EHHADH: variants seen among roughly 807,000 people sequenced by gnomAD.
The protein encoded by EHHADH is enoyl-CoA hydratase and 3-hydroxyacyl CoA dehydrogenase, also known as peroxisomal bifunctional enzyme.
Under a neutral mutation model 64.4 loss-of-function variants are expected in EHHADH, and 48 were observed. The observed-to-expected ratio is 0.75, with a 90% CI of 0.59 to 0.95. The LOEUF (loss-of-function observed/expected upper bound fraction) is 0.95. EHHADH is among the 40% of genes least tolerant of loss of function. The pLI is 0.00. For synonymous variants in EHHADH, 308 were observed against 326.7 expected, an observed-to-expected ratio of 0.94 and a Z score of 0.62; for missense variants, 854 against 876.6, an observed-to-expected ratio of 0.97 and a Z score of 0.33.
chr3:185,248,556 A>G (rs1162056389), intron 1 of EHHADH, 39 bp from the exon 2 acceptor site: 2 of 1,441,834 alleles, frequency 1.4e-6, no homozygotes, highest in African/African-American at 2.8e-5. Flanking sequence ...ATCAGTCAGA[A>G]TTAAATTCCT....
At chr3:185,212,978 G>A (rs540255736) in intron 5 of EHHADH, among the ~76,000 whole-genome samples, 13 of 151,616 alleles carry the variant, frequency 8.6e-5, no homozygotes, top group Non-Finnish European at 1.2e-4. Context: ...AAATTAGCCG[G>A]GTGTGCTGCC....
intron 4 of EHHADH, among the ~76,000 whole-genome samples, chr3:185,227,282 C>T (rs1463456896): frequency 6.6e-6 from 1 of 152,242 alleles, no homozygotes; most frequent in Non-Finnish European, 1.5e-5. Context: ...CCTGTAATCC[C>T]AGCACTTTGG....
At chr3:185,247,381 G>A (rs1719623564) in intron 2 of EHHADH, among the ~76,000 whole-genome samples, 2 of 152,054 alleles carry the variant, frequency 1.3e-5, no homozygotes, top group African/African-American at 4.8e-5. Context: ...CATCTTGGGT[G>A]ACAAACCTTA....
chr3:185,211,961 G>T (rs543218211), intron 5 of EHHADH, among the ~76,000 whole-genome samples: 1 of 152,286 alleles, frequency 6.6e-6, no homozygotes, highest in East Asian at 1.9e-4. Flanking sequence ...CAGGACCAGG[G>T]TTCATTACAG....
rs572430229 is a variant in EHHADH at position 185,221,310 on chromosome 3, T to A, written c.464-3070A>T. ...ATTTTGTCTTTTGCACAATAAATTG[T>A]CTCATGTGCTTTGAATCCTGTAGTA... On this transcript the variant is annotated intron_variant, in intron 4 of 6. Transcript: ENST00000231887. Among the ~76,000 whole-genome samples, 15 of 152,332 alleles carry A rather than the reference T, an allele frequency of 9.8e-5. No individual in the cohort carries two copies. In the South Asian group the frequency reaches 2.9e-3, roughly 29 times the overall value.
intron 4 of EHHADH, among the ~76,000 whole-genome samples, chr3:185,228,252 AAAAAAAT>A (rs1719046614): frequency 1.5e-5 from 1 of 64,602 alleles, no homozygotes; most frequent in Non-Finnish European, 4.5e-5. Context: ...AAAAAAAAAA[AAAAAAAT>A]ATATATATAT....
chr3:185,231,845 T>C (rs1220123548), intron 3 of EHHADH, among the ~76,000 whole-genome samples: 1 of 152,220 alleles, frequency 6.6e-6, no homozygotes, highest in Non-Finnish European at 1.5e-5. Flanking sequence ...TTTGGGGTGA[T>C]AAAATGTTCT....
At chr3:185,249,417 C>G (rs866501794) in intron 1 of EHHADH, among the ~76,000 whole-genome samples, 2 of 152,146 alleles carry the variant, frequency 1.3e-5, no homozygotes, top group South Asian at 2.1e-4. Context: ...TGTGAGCCAC[C>G]GCGCCCAGCC....
intron 1 of EHHADH, 52 bp downstream of exon 1, chr3:185,253,897 G>A: frequency 9.3e-6 from 15 of 1,604,334 alleles, no homozygotes; most frequent in Non-Finnish European, 1.2e-5. Context: ...CGGAGCCAGA[G>A]GGCGGCTAAG....
At chr3:185,220,939 A>T in intron 4 of EHHADH, among the ~76,000 whole-genome samples, 1 of 152,230 alleles carries the variant, frequency 6.6e-6, no homozygotes, top group East Asian at 1.9e-4. Flanking sequence ...ACAGGTGTAT[A>T]ATTCTAATGT....
intron 6 of EHHADH, among the ~76,000 whole-genome samples, chr3:185,197,442 A>T (rs1434919885): frequency 6.6e-6 from 1 of 152,160 alleles, no homozygotes; most frequent in Non-Finnish European, 1.5e-5. Context: ...CTACTAAATG[A>T]TAACTCCCCA....
At chr3:185,195,265 A>G (rs934724982) in intron 6 of EHHADH, among the ~76,000 whole-genome samples, 1 of 152,220 alleles carries the variant, frequency 6.6e-6, no homozygotes, top group South Asian at 2.1e-4. Flanking sequence ...GTTCAACATC[A>G]ATAGTCATTA....
At chr3:185,200,532 T>C (rs1025978819) in intron 6 of EHHADH, among the ~76,000 whole-genome samples, 3 of 152,224 alleles carry the variant, frequency 2.0e-5, no homozygotes, top group Admixed American at 6.5e-5. Context: ...GGTTTGAAAC[T>C]CTGGCCTCCT....
intron 4 of EHHADH, among the ~76,000 whole-genome samples, chr3:185,228,211 GC>G: frequency 8.7e-6 from 1 of 115,444 alleles, no homozygotes; most frequent in East Asian, 2.7e-4. Flanking sequence ...TTCCAGCCTG[GC>G]GATAGAGTGA....
intron 6 of EHHADH, among the ~76,000 whole-genome samples, chr3:185,194,189 G>A (rs1287257303): frequency 6.6e-6 from 1 of 152,182 alleles, no homozygotes; most frequent in Non-Finnish European, 1.5e-5. Context: ...AACTATTCAA[G>A]GTTGGGTGAG....
In EHHADH at chr3:185,206,776, C is replaced by T. The variant is rs147134657; in HGVS notation, c.569-2019G>A. 3.7e-3 allele frequency among the ~76,000 whole-genome samples: 557 copies of T among 150,704 alleles called. 1 individual carries two copies. The highest frequency in any genetic ancestry group is 0.01 in the Middle Eastern group (3 of 288). On this transcript the variant is annotated intron_variant, in intron 5 of 6. Coordinates refer to ENST00000231887, the MANE Select transcript of EHHADH (RefSeq NM_001966.4). Reference sequence around the variant, plus strand: ...CTGAGAGGTGGAGGTTGCAGTGAGCCGAGATCATGCCATTGCACTCCAGCC... The same window carrying T: ...CTGAGAGGTGGAGGTTGCAGTGAGCTGAGATCATGCCATTGCACTCCAGCC...
chr3:185,214,366 C>A (rs955786589), intron 5 of EHHADH, among the ~76,000 whole-genome samples: 1 of 152,106 alleles, frequency 6.6e-6, no homozygotes, highest in South Asian at 2.1e-4. Flanking sequence ...AAACAAAGCC[C>A]CAAAGATGAT....
chr3:185,239,196 A>G (rs937154862), intron 2 of EHHADH, among the ~76,000 whole-genome samples: 8 of 152,124 alleles, frequency 5.3e-5, no homozygotes, highest in African/African-American at 1.9e-4. Flanking sequence ...GCCTTATAAT[A>G]TAATATGAAG....
At chr3:185,251,812 G>T (rs1401698270) in intron 1 of EHHADH, among the ~76,000 whole-genome samples, 4 of 152,102 alleles carry the variant, frequency 2.6e-5, no homozygotes, top group Admixed American at 2.6e-4. Context: ...ACCTAAAAAA[G>T]TTCAGAAGAC....
Sources: gnomAD v4.1 joint callset for allele counts (sites outside exome capture counted in the v4.1 genomes callset) on GRCh38, gnomAD v4.1.1 for gene constraint, MANE v1.5 for transcripts, NCBI Gene and HGNC (gene_info 2026-07-23, HGNC 2026-07-21) for gene names.